The following SIN3A variants were observed in gnomAD, a reference collection of about 807,000 sequenced individuals.
The protein encoded by SIN3A is paired amphipathic helix protein Sin3a.
Under a neutral mutation model 146.1 loss-of-function variants are expected in SIN3A, and 14 were observed. That is an observed-to-expected ratio of 0.10 (90% CI 0.06 to 0.15). SIN3A has a LOEUF of 0.15. SIN3A is among the 10% of genes least tolerant of loss of function. The pLI is 1.00. For synonymous variants in SIN3A, 572 were observed against 572.0 expected (o/e 1.00, Z 0.00); for missense variants, 1,028 against 1,576.0 (o/e 0.65, Z 5.89).
At chr15:75,455,181 G>A (rs1194879014), upstream of SIN3A, among the ~76,000 whole-genome samples, 1 of 152,008 alleles carries the variant, frequency 6.6e-6, no homozygotes, top group African/African-American at 2.4e-5. Flanking sequence ...AAAACCCTCG[G>A]GGCGGCTGCC....
chr15:75,401,778 C>G (rs1388183272), intron 10 of SIN3A, 74 bp downstream of exon 10: 1 of 916,094 alleles, frequency 1.1e-6, no homozygotes, highest in Non-Finnish European at 1.8e-6. Flanking sequence ...CTTTGCCTAT[C>G]ATATACTCTC....
At chr15:75,430,937 G>A (rs1205138463) in intron 1 of SIN3A, among the ~76,000 whole-genome samples, 2 of 151,974 alleles carry the variant, frequency 1.3e-5, no homozygotes, top group African/African-American at 2.4e-5. Context: ...CACCACACCC[G>A]GCTACTTTTT....
chr15:75,454,697 G>C (rs373271796), upstream of SIN3A, among the ~76,000 whole-genome samples: 3 of 148,606 alleles, frequency 2.0e-5, no homozygotes, highest in South Asian at 6.4e-4. Context: ...CCCCGCCCCC[G>C]CCCCATCCGC....
intron 1 of SIN3A, among the ~76,000 whole-genome samples, chr15:75,446,835 G>A (rs1172997667): frequency 6.6e-6 from 1 of 151,720 alleles, no homozygotes; most frequent in African/African-American, 2.4e-5. Context: ...GCAGTGGCAC[G>A]ATCTTGGCTC....
chr15:75,430,679 A>C (rs2073999083), intron 1 of SIN3A, among the ~76,000 whole-genome samples: 2 of 152,208 alleles, frequency 1.3e-5, no homozygotes, highest in Admixed American at 6.5e-5. Context: ...TAAAAATATA[A>C]ACACAACCTT....
chr15:75,450,949 A>C (rs2074393546), intron 1 of SIN3A, among the ~76,000 whole-genome samples: 1 of 152,120 alleles, frequency 6.6e-6, no homozygotes, highest in African/African-American at 2.4e-5. Flanking sequence ...CCGGATCCCA[A>C]GAAGGCGGAG....
intron 14 of SIN3A, among the ~76,000 whole-genome samples, 173 bp from the exon 15 acceptor site, chr15:75,392,988 T>C (rs572357293): frequency 1.3e-5 from 2 of 152,324 alleles, no homozygotes; most frequent in South Asian, 4.1e-4. Flanking sequence ...CCCAGCACTT[T>C]GGTAGGCCGA....
intron 1 of SIN3A, among the ~76,000 whole-genome samples, chr15:75,431,472 A>G (rs1051977702): frequency 2.6e-5 from 4 of 152,176 alleles, no homozygotes; most frequent in Admixed American, 2.0e-4. Flanking sequence ...TAACACAAGC[A>G]TAACACACCA....
At chr15:75,413,745 T>G (rs1324546719) in intron 4 of SIN3A, among the ~76,000 whole-genome samples, 1 of 152,152 alleles carries the variant, frequency 6.6e-6, no homozygotes, top group Non-Finnish European at 1.5e-5. Flanking sequence ...ACAGAATATA[T>G]GTTCATTGTA....
chr15:75,405,648 G>A (rs1035587474), intron 9 of SIN3A, among the ~76,000 whole-genome samples: 4 of 152,138 alleles, frequency 2.6e-5, no homozygotes, highest in Admixed American at 6.6e-5. Context: ...CTGTTTGGGA[G>A]GCTAAGGCTG....
chr15:75,440,561 T>C (rs1052642504), intron 1 of SIN3A, among the ~76,000 whole-genome samples: 7 of 152,186 alleles, frequency 4.6e-5, no homozygotes, highest in Admixed American at 1.3e-4. Context: ...TTTTATTCCG[T>C]ACTTTCCTGG....
At chr15:75,405,996 T>C (rs2073505033) in intron 9 of SIN3A, among the ~76,000 whole-genome samples, 1 of 152,116 alleles carries the variant, frequency 6.6e-6, no homozygotes, top group African/African-American at 2.4e-5. Context: ...AGGACTCTCC[T>C]GCAAAAAGCT....
intron 19 of SIN3A, among the ~76,000 whole-genome samples, chr15:75,378,285 C>A (rs1256057310): frequency 6.6e-6 from 1 of 152,268 alleles, no homozygotes; most frequent in East Asian, 1.9e-4. Flanking sequence ...ATCACTGGGG[C>A]CGGGTGCAGT....
intron 10 of SIN3A, 66 bp downstream of exon 10, chr15:75,401,786 C>T (rs1002459325): frequency 6.1e-6 from 6 of 979,318 alleles, no homozygotes; most frequent in Non-Finnish European, 9.7e-6. Flanking sequence ...ATCATATACT[C>T]TCACAAATCA....
chr15:75,375,902 G>C (rs777072630), intron 19 of SIN3A, 30 bp from the exon 20 acceptor site: 13 of 1,609,438 alleles, frequency 8.1e-6, no homozygotes, highest in Non-Finnish European at 1.1e-5. Context: ...GAGGATGAGA[G>C]CTCGTCCAGA....
At chr15:75,419,723 A>G (rs918545098) in intron 3 of SIN3A, 7 of 151,986 alleles carry the variant, frequency 4.6e-5, no homozygotes, top group African/African-American at 1.7e-4. Flanking sequence ...TATTTGGGAG[A>G]CTGAGGCATA....
At chr15:75,454,423 G>A (rs1360252605), upstream of SIN3A, among the ~76,000 whole-genome samples, 1 of 151,648 alleles carries the variant, frequency 6.6e-6, no homozygotes, top group Non-Finnish European at 1.5e-5. Flanking sequence ...GAGGAGTGCA[G>A]GCAAGGGCCG....
chr15:75,396,332 A>G lies in SIN3A; in HGVS notation c.2019T>C (p.Tyr673=). Residue 673 remains tyrosine (Y), a synonymous_variant, in exon 13 of 21, where the codon TAT becomes TAC. Coordinates refer to ENST00000394947, the MANE Select transcript of SIN3A (RefSeq NM_001145358.2). Reference sequence around the variant, plus strand: ...CAATGATGTCAGCTGCTTTATCAGCATATATCCTCTGGAGTGCTTTTCTAT... The same window carrying G: ...CAATGATGTCAGCTGCTTTATCAGCGTATATCCTCTGGAGTGCTTTTCTAT... ...VIHRKALQRI[Y]ADKAADIIDG... is the part of the protein sequence containing the mutation. The G allele has an allele frequency of 6.2e-7, 1 of 1,614,196 alleles. No homozygotes were observed. The highest frequency in any genetic ancestry group is 1.1e-5 in the South Asian group (1 of 91,080).
intron 9 of SIN3A, among the ~76,000 whole-genome samples, chr15:75,403,932 T>C (rs187610942): frequency 2.0e-5 from 3 of 152,356 alleles, no homozygotes; most frequent in Non-Finnish European, 2.9e-5. Flanking sequence ...TCTCTTAAGA[T>C]AGTTCTGTCC....
Sources: allele counts gnomAD v4.1 joint callset (sites outside exome capture counted in the v4.1 genomes callset), GRCh38; gene constraint gnomAD v4.1.1; transcripts MANE v1.5; gene names NCBI Gene and HGNC (gene_info 2026-07-23, HGNC 2026-07-21).